POU6F2: variants seen among roughly 807,000 people sequenced by gnomAD.
The protein encoded by POU6F2 is POU domain, class 6, transcription factor 2.
POU6F2 carries 31 observed loss-of-function variants against 71.3 expected under a neutral mutation model. That is an observed-to-expected ratio of 0.43 (90% confidence interval 0.33 to 0.59). The LOEUF is 0.59. Among genes scored for constraint, POU6F2 ranks in the 20% least tolerant of loss-of-function variants. The probability of loss-of-function intolerance (pLI) is 0.04; values close to 1 mark genes in which losing one functional copy is unlikely to be tolerated. For missense variants in POU6F2, 783 were observed against 856.8 expected, an observed-to-expected ratio of 0.91 and a Z score of 1.07; for synonymous variants, 347 against 355.7, an observed-to-expected ratio of 0.98 and a Z score of 0.27.
chr7:39,259,161 A>T (rs1167616159), intron 4 of POU6F2, among the ~76,000 whole-genome samples: 2 of 152,280 alleles, frequency 1.3e-5, no homozygotes, highest in East Asian at 3.9e-4. Flanking sequence ...ATAGATATTA[A>T]GAGCCCAGTT....
At chr7:39,235,260 G>C (rs1794654623) in intron 4 of POU6F2, among the ~76,000 whole-genome samples, 1 of 152,096 alleles carries the variant, frequency 6.6e-6, no homozygotes, top group South Asian at 2.1e-4. Context: ...AGGAAAAGGA[G>C]GCAACAAAGG....
chr7:39,293,535 G>C (rs957438098), intron 4 of POU6F2, among the ~76,000 whole-genome samples: 1 of 151,756 alleles, frequency 6.6e-6, no homozygotes, highest in Non-Finnish European at 1.5e-5. Flanking sequence ...CTTTCCTTTC[G>C]GATCTACCTA....
At position 39,151,128 on chromosome 7, in the gene POU6F2, C is replaced by G. The variant is rs761934422; in HGVS notation, c.278-53107C>G. The stretch of plus-strand genomic sequence containing the variant: ...AGTTTTCATCGTGATTCCAAATGCA[C>G]TACTGAAGTGGCATTGCTTTCTTTG... On this transcript the variant is annotated intron_variant, in intron 2 of 9. Transcript: ENST00000518318. Among the ~76,000 whole-genome samples, 9 of 152,058 alleles carry G rather than the reference C, an allele frequency of 5.9e-5. 1 individual carries two copies. Among genetic ancestry groups the G allele is most frequent in the Non-Finnish European group, 1.3e-4 (9 of 68,028 alleles).
intron 4 of POU6F2, among the ~76,000 whole-genome samples, chr7:39,270,079 G>A (rs745420425): frequency 7.9e-5 from 12 of 152,142 alleles, no homozygotes; most frequent in Non-Finnish European, 1.8e-4. Context: ...TGTAGATCTC[G>A]TTTATTTCTC....
chr7:39,225,524 G>A (rs1409406604), intron 4 of POU6F2, among the ~76,000 whole-genome samples: 2 of 152,090 alleles, frequency 1.3e-5, no homozygotes, highest in Non-Finnish European at 2.9e-5. Flanking sequence ...TTCGAAGCAT[G>A]TTACCTTTTC....
intron 1 of POU6F2, among the ~76,000 whole-genome samples, chr7:39,052,138 T>C (rs1028561958): frequency 8.5e-5 from 13 of 152,134 alleles, no homozygotes; most frequent in Admixed American, 2.6e-4. Context: ...AAGCATCACA[T>C]AGTGTGTCTT....
At chr7:39,161,666 T>G (rs927986785) in intron 2 of POU6F2, among the ~76,000 whole-genome samples, 12 of 152,218 alleles carry the variant, frequency 7.9e-5, no homozygotes, top group Admixed American at 7.9e-4. Flanking sequence ...GCTTGGCTCA[T>G]GGCTCTATTG....
At chr7:39,026,486 A>T (rs2128707875) in intron 1 of POU6F2, among the ~76,000 whole-genome samples, 1 of 152,276 alleles carries the variant, frequency 6.6e-6, no homozygotes, top group East Asian at 1.9e-4. Context: ...CATTCTCAGT[A>T]AACTATGGCA....
intron 4 of POU6F2, among the ~76,000 whole-genome samples, chr7:39,275,739 A>G (rs1393859685): frequency 1.3e-5 from 2 of 152,084 alleles, no homozygotes; most frequent in Non-Finnish European, 2.9e-5. Flanking sequence ...GCCCTCAGAA[A>G]TAACGCCGCA....
At chr7:39,266,059 T>C (rs1325173472) in intron 4 of POU6F2, among the ~76,000 whole-genome samples, 3 of 152,158 alleles carry the variant, frequency 2.0e-5, no homozygotes, top group African/African-American at 4.8e-5. Context: ...GGTTTTCAGA[T>C]GTATCAAAGC....
chr7:39,192,712 G>C (rs1474831664), intron 2 of POU6F2, among the ~76,000 whole-genome samples: 1 of 152,118 alleles, frequency 6.6e-6, no homozygotes, highest in Non-Finnish European at 1.5e-5. Flanking sequence ...CATTCCTCCA[G>C]CACATTTTCT....
intron 2 of POU6F2, among the ~76,000 whole-genome samples, chr7:39,195,354 T>C (rs1299391412): frequency 3.3e-5 from 5 of 152,184 alleles, no homozygotes; most frequent in Admixed American, 6.5e-5. Flanking sequence ...GAGGCTATCA[T>C]TTTCAATTGA....
rs76929090 is a variant in POU6F2, at chr7:39,441,317, G to A, written c.1320+8034G>A. On this transcript the variant is annotated intron_variant, in intron 7 of 9. Coordinates refer to ENST00000518318, the MANE Select transcript of POU6F2 (RefSeq NM_001370959.1). ...TCTACTGTGAGCAAACCATTTAGGA[G>A]TCTATAGCAAAACACAAAGAAGAAT... is the stretch of plus-strand genomic sequence containing the variant. Among the ~76,000 whole-genome samples, 392 of 151,788 alleles carry A rather than the reference G, an allele frequency of 2.6e-3. 2 individuals are homozygous for A. Among genetic ancestry groups the A allele is most frequent in the African/African-American group, 8.8e-3 (364 of 41,316 alleles).
intron 2 of POU6F2, among the ~76,000 whole-genome samples, chr7:39,192,746 C>G (rs970801822): frequency 6.6e-6 from 1 of 152,126 alleles, no homozygotes; most frequent in African/African-American, 2.4e-5. Context: ...CACGCCTCCC[C>G]CTTGACTTTT....
At chr7:39,203,035 A>G (rs1793939767) in intron 2 of POU6F2, among the ~76,000 whole-genome samples, 1 of 152,226 alleles carries the variant, frequency 6.6e-6, no homozygotes, top group Non-Finnish European at 1.5e-5. Flanking sequence ...GTTATGATTG[A>G]CACATTGTGG....
intron 5 of POU6F2, among the ~76,000 whole-genome samples, chr7:39,351,038 C>T (rs1314247980): frequency 1.3e-5 from 2 of 152,250 alleles, no homozygotes; most frequent in Non-Finnish European, 2.9e-5. Context: ...CTGGGGCCCA[C>T]CCAAGGATTC....
chr7:39,037,291 A>G (rs1790087718), intron 1 of POU6F2, among the ~76,000 whole-genome samples: 1 of 151,880 alleles, frequency 6.6e-6, no homozygotes, highest in Non-Finnish European at 1.5e-5. Flanking sequence ...TTCTTTTTTG[A>G]GACCTCAGAA....
chr7:39,159,802 A>C (rs1473397384), intron 2 of POU6F2, among the ~76,000 whole-genome samples: 2 of 152,186 alleles, frequency 1.3e-5, no homozygotes, highest in Admixed American at 1.3e-4. Flanking sequence ...TTTGTCAATG[A>C]AACAGAAGAG....
At chr7:39,267,840 CTCA>C (rs1784277751) in intron 4 of POU6F2, among the ~76,000 whole-genome samples, 1 of 152,104 alleles carries the variant, frequency 6.6e-6, no homozygotes, top group Non-Finnish European at 1.5e-5. Context: ...CTCTTCATTC[CTCA>C]TGTCAGAATT....
Sources: allele counts gnomAD v4.1 joint callset (sites outside exome capture counted in the v4.1 genomes callset), GRCh38; gene constraint gnomAD v4.1.1; transcripts MANE v1.5; gene names NCBI Gene and HGNC (gene_info 2026-07-23, HGNC 2026-07-21).